The following INTS12 variants were observed in gnomAD, a reference collection of about 807,000 sequenced individuals.
The protein encoded by INTS12 is PHD finger protein 22.
Under a neutral mutation model 41.6 loss-of-function variants are expected in INTS12, and 13 were observed. The observed-to-expected ratio is 0.31, with a 90% CI of 0.20 to 0.50. The LOEUF (loss-of-function observed/expected upper bound fraction) is 0.50, where lower values mean the gene tolerates loss of function less well. Among genes scored for constraint, INTS12 ranks in the 20% least tolerant of loss-of-function variants. INTS12 has a pLI of 0.98. For synonymous variants in INTS12, 199 were observed against 191.4 expected, an observed-to-expected ratio of 1.04 and a Z score of -0.33; for missense variants, 432 against 541.6, an observed-to-expected ratio of 0.80 and a Z score of 2.01.
At chr4:105,706,323 T>C (rs940392316) in intron 1 of INTS12, 3 of 150,144 alleles carry the variant, frequency 2.0e-5, no homozygotes, top group African/African-American at 4.9e-5. Flanking sequence ...ACTGAGATCA[T>C]GGCTCACTGC....
Position 105,682,881 on chromosome 4 carries a change from C to A in INTS12, c.1241G>T (p.Gly414Val). Residue 414 changes from glycine (G) to valine (V), a missense_variant, in exon 8 of 8, where the codon GGA becomes GTA. Around this residue, in one of 3 missense-constraint regions of INTS12, gnomAD observed 258 missense variants for 309.9 expected, o/e 0.83. Transcript: ENST00000340139. ...TGAAGTAGTTTTGCTGGTAGTACTT[C>A]CACTAGGTCCTGATGTTCCACTATT... Reference protein sequence around the residue: ...NGNSGTSGPSGSTTSKTTSES... With the variant: ...NGNSGTSGPSVSTTSKTTSES... 6.2e-7 allele frequency: 1 copy of A among 1,614,062 alleles called. No individual in the cohort carries two copies. The highest frequency in any genetic ancestry group is 8.5e-7 in the Non-Finnish European group (1 of 1,179,958).
chr4:105,691,177 A>G (rs1340106200), intron 6 of INTS12, among the ~76,000 whole-genome samples: 1 of 152,256 alleles, frequency 6.6e-6, no homozygotes, highest in Non-Finnish European at 1.5e-5. Context: ...ATTTATATAG[A>G]AATTCATTTG....
intron 6 of INTS12, among the ~76,000 whole-genome samples, chr4:105,689,133 G>A (rs531758588): frequency 6.6e-6 from 1 of 152,300 alleles, no homozygotes; most frequent in South Asian, 2.1e-4. Context: ...TCTCTCACCT[G>A]AAGCTGGGGA....
rs562959337 is a variant in INTS12 at position 105,708,612 on chromosome 4, G to A, written c.-172+26C>T. On this transcript the variant is annotated intron_variant, in intron 1 of 7. Coordinates refer to ENST00000340139, the MANE Select transcript of INTS12 (RefSeq NM_020395.4). ...GGGTCTCGAGCCTCCAGGAGGCCAG[G>A]AGCAGAGTCGCTCAGCATAACTCAC... 4.3e-5 allele frequency: 42 copies of A among 985,136 alleles called. No individual in the cohort carries two copies. In the South Asian group the frequency reaches 1.2e-3, roughly 28 times the overall value. 61.0% of individuals were successfully genotyped at this position (985,136 alleles called of 1,614,324 possible). A position where few individuals can be genotyped will look rare whatever the true frequency, so the allele number is the denominator to read the frequency against.
intron 5 of INTS12, 85 bp from the exon 6 acceptor site, chr4:105,692,220 A>G: frequency 1.5e-6 from 2 of 1,304,948 alleles, no homozygotes; most frequent in Non-Finnish European, 2.1e-6. Context: ...GTGCTGGCTC[A>G]TGCCTGTAAT....
At chr4:105,702,792 T>C (rs950147319) in intron 2 of INTS12, 3 of 713,196 alleles carry the variant, frequency 4.2e-6, no homozygotes, top group Non-Finnish European at 5.2e-6. Context: ...CCCTGACTTT[T>C]GTTTCCTCAC....
chr4:105,685,229 C>T (rs948219457), intron 7 of INTS12, among the ~76,000 whole-genome samples: 6 of 151,992 alleles, frequency 3.9e-5, no homozygotes, highest in Non-Finnish European at 2.9e-5. Context: ...TAAAGAAACA[C>T]AAAACCTCTT....
At chr4:105,687,604 G>A (rs2149178440) in intron 6 of INTS12, among the ~76,000 whole-genome samples, 1 of 152,182 alleles carries the variant, frequency 6.6e-6, no homozygotes, top group East Asian at 1.9e-4. Context: ...ATGGTTATGT[G>A]CCATGTTTAA....
In INTS12 at chr4:105,682,910, A is replaced by G. The variant is rs751290413; in HGVS notation, c.1212T>C (p.Asn404=). The change falls in exon 8 of 8, where the codon AAT becomes AAC. Residue 404 remains asparagine (N), a synonymous_variant. Coordinates refer to ENST00000340139, the MANE Select transcript of INTS12 (RefSeq NM_020395.4). ...VPGSSSQLSG[N]GNSGTSGPSG... ...TAGGTCCTGATGTTCCACTATTTCCATTCCCACTTAGTTGGCTGCTGCTTC... is the reference window on the plus strand; with the variant it reads ...TAGGTCCTGATGTTCCACTATTTCCGTTCCCACTTAGTTGGCTGCTGCTTC... The G allele has an allele frequency of 4.3e-6, 7 of 1,613,940 alleles. No individual in the cohort carries two copies. The highest frequency in any genetic ancestry group is 5.9e-6 in the Non-Finnish European group (7 of 1,179,956).
At chr4:105,690,846 T>G (rs1208131754) in intron 6 of INTS12, among the ~76,000 whole-genome samples, 1 of 152,206 alleles carries the variant, frequency 6.6e-6, no homozygotes, top group East Asian at 1.9e-4. Context: ...TTCTTAGTGG[T>G]TTCTTATCAA....
intron 1 of INTS12, chr4:105,708,425 G>C (rs2149197762): frequency 1.0e-6 from 1 of 985,424 alleles, no homozygotes; most frequent in Non-Finnish European, 1.2e-6. Context: ...TGCTCGGTCC[G>C]CATGTCCCGG....
At chr4:105,690,753 G>T (rs1239571167) in intron 6 of INTS12, among the ~76,000 whole-genome samples, 2 of 152,110 alleles carry the variant, frequency 1.3e-5, no homozygotes, top group Admixed American at 6.5e-5. Context: ...AGGAGCTAAA[G>T]TGATAATAAT....
rs1273741752 is a variant in INTS12 at position 105,688,036 on chromosome 4, C to T, written c.658-1198G>A. 3.3e-5 allele frequency among the ~76,000 whole-genome samples: 5 copies of T among 152,200 alleles called. No homozygotes were observed. In the East Asian group the frequency reaches 7.7e-4, roughly 23 times the overall value. On this transcript the variant is annotated intron_variant, in intron 6 of 7. Coordinates refer to ENST00000340139, the MANE Select transcript of INTS12 (RefSeq NM_020395.4). ...GCAAAATATGTGAATCTCTAAAAGC[C>T]TCATTCTCTTCATCTGTAAAATGGT...
intron 2 of INTS12, 51 bp from the exon 3 acceptor site, chr4:105,700,065 T>A: frequency 7.9e-7 from 1 of 1,258,012 alleles, no homozygotes; most frequent in African/African-American, 1.5e-5. Flanking sequence ...CAATTATCTA[T>A]GTTAAAGTTT....
chr4:105,691,333 A>G (rs761155176), intron 6 of INTS12, among the ~76,000 whole-genome samples: 1 of 152,212 alleles, frequency 6.6e-6, no homozygotes, highest in African/African-American at 2.4e-5. Flanking sequence ...TTCATTTATC[A>G]TTTATCTATT....
intron 2 of INTS12, among the ~76,000 whole-genome samples, chr4:105,702,487 G>T (rs1732120758): frequency 6.6e-6 from 1 of 152,114 alleles, no homozygotes; most frequent in South Asian, 2.1e-4. Flanking sequence ...TATACAGAGT[G>T]ATAATAGTGT....
chr4:105,687,082 G>C (rs1327267452), intron 6 of INTS12: 3 of 453,830 alleles, frequency 6.6e-6, no homozygotes, highest in Non-Finnish European at 1.2e-5. Context: ...AAGAGGGTTA[G>C]TTAAATACCA....
chr4:105,698,961 G>A (rs1197433151), intron 3 of INTS12, among the ~76,000 whole-genome samples: 2 of 152,168 alleles, frequency 1.3e-5, no homozygotes, highest in East Asian at 3.8e-4. Context: ...GGATTTGATA[G>A]AATGTCTTAG....
chr4:105,697,692 G>C (rs1444454758), intron 3 of INTS12, among the ~76,000 whole-genome samples: 13 of 152,162 alleles, frequency 8.5e-5, no homozygotes, highest in African/African-American at 3.1e-4. Flanking sequence ...TATAAAGTCT[G>C]TTGATCACTG....
Sources: gnomAD v4.1 joint callset for allele counts (sites outside exome capture counted in the v4.1 genomes callset) on GRCh38, gnomAD v4.1.1 for gene constraint, gnomAD v4.1.1 regional missense constraint, MANE v1.5 for transcripts, NCBI Gene and HGNC (gene_info 2026-07-23, HGNC 2026-07-21) for gene names.